The following KSR2 variants were observed in gnomAD, a reference collection of about 807,000 sequenced individuals.
The protein encoded by KSR2 is kinase suppressor of ras 2.
In KSR2, 25 loss-of-function variants were observed where a neutral mutation model predicts 107.8. The observed-to-expected ratio is 0.23, with a 90% confidence interval of 0.17 to 0.32. The LOEUF (loss-of-function observed/expected upper bound fraction) is 0.32. Ranked by LOEUF, KSR2 falls within the 10% of genes least tolerant of loss-of-function variation. The pLI, the probability that KSR2 is intolerant of heterozygous loss-of-function variation, is 1.00. For missense variants in KSR2, 887 were observed against 1,268.9 expected, an observed-to-expected ratio of 0.70 and a Z score of 4.57; for synonymous variants, 480 against 507.0, an observed-to-expected ratio of 0.95 and a Z score of 0.71.
chr12:117,859,461 A>ATTTT lies in KSR2; in HGVS notation c.321+826_321+829dup, dbSNP rs35142684. On this transcript the variant is annotated intron_variant, in intron 2 of 19. Transcript: ENST00000339824. ...TTTTTTCGTTTTTTGTTTTTTATTT[A>ATTTT]TTTTTTTTTTTTTGAGACAGGGTCT... Among the ~76,000 whole-genome samples the ATTTT allele has an allele frequency of 6.7e-4, 88 of 130,684 alleles. 1 individual carries two copies. The highest frequency in any genetic ancestry group is 2.5e-3 in the African/African-American group (87 of 34,134). The allele number at this position is 130,684 out of a possible 152,430, so 85.7% of individuals were successfully genotyped here.
At chr12:117,835,289 C>T (rs1892156011) in intron 3 of KSR2, among the ~76,000 whole-genome samples, 1 of 152,106 alleles carries the variant, frequency 6.6e-6, no homozygotes, top group Admixed American at 6.5e-5. Flanking sequence ...CCTGGGGAGA[C>T]AGGGAGAGAT....
intron 9 of KSR2, among the ~76,000 whole-genome samples, chr12:117,551,043 G>A (rs1431438936): frequency 6.6e-6 from 1 of 152,210 alleles, no homozygotes; most frequent in Non-Finnish European, 1.5e-5. Context: ...CCAGCATGCA[G>A]CCACTTCAAA....
chr12:117,819,004 C>T (rs1256517961), intron 3 of KSR2, among the ~76,000 whole-genome samples: 1 of 152,114 alleles, frequency 6.6e-6, no homozygotes, highest in East Asian at 1.9e-4. Context: ...AGCTCTTATA[C>T]CCCTTTTTTC....
intron 14 of KSR2, among the ~76,000 whole-genome samples, chr12:117,487,706 A>T (rs1093308): frequency 0.18 from 27,398 of 151,882 alleles, 2,689 homozygotes; most frequent in East Asian, 0.33. Flanking sequence ...AGGCTCCAAG[A>T]CTCCCTGGAC....
intron 4 of KSR2, among the ~76,000 whole-genome samples, chr12:117,756,506 C>G (rs634957): frequency 6.6e-6 from 1 of 151,800 alleles, no homozygotes; most frequent in Non-Finnish European, 1.5e-5. Flanking sequence ...CTGTTGAGAC[C>G]GACTGTTTAG....
In KSR2 at chr12:117,939,946, C is replaced by A. The variant is rs1259463026; in HGVS notation, c.180+28130G>T. On this transcript the variant is annotated intron_variant, in intron 1 of 19. Coordinates refer to ENST00000339824, the MANE Select transcript of KSR2 (RefSeq NM_173598.6). ...ACAGAGCGAGACTCCATCTTAAAAA[C>A]ACACACACACACACACACACACACA... Among the ~76,000 whole-genome samples the A allele has an allele frequency of 2.0e-3, 26 of 12,916 alleles. No homozygotes were observed. The East Asian group carries it at 0.087, about 43-fold the overall frequency. The allele number at this position is 12,916 out of a possible 152,430, so 8.5% of individuals were successfully genotyped here.
chr12:117,871,697 G>T (rs1015472500), intron 1 of KSR2, among the ~76,000 whole-genome samples: 3 of 112,292 alleles, frequency 2.7e-5, no homozygotes, highest in Admixed American at 2.0e-4. Context: ...CAGATAGATA[G>T]ATATATATAT....
rs115213705 is a variant in KSR2 at position 117,904,644 on chromosome 12, G to A, written c.181-44213C>T. Among the ~76,000 whole-genome samples, 815 of 152,150 alleles carry A rather than the reference G, an allele frequency of 5.4e-3. 6 individuals are homozygous for A. The highest frequency in any genetic ancestry group is 0.018 in the African/African-American group (755 of 41,486). On this transcript the variant is annotated intron_variant, in intron 1 of 19. Coordinates refer to ENST00000339824, the MANE Select transcript of KSR2 (RefSeq NM_173598.6). The stretch of plus-strand genomic sequence containing the variant: ...CTTGCTCAATTCTCCCCATCACCCT[G>A]GGAGAGAAAAAATATTATTATTCCC...
At chr12:117,944,594 G>A (rs1389878762) in intron 1 of KSR2, among the ~76,000 whole-genome samples, 4 of 152,098 alleles carry the variant, frequency 2.6e-5, no homozygotes, top group East Asian at 3.9e-4. Flanking sequence ...AGTGGCTCAC[G>A]CCTGCAATCC....
intron 1 of KSR2, among the ~76,000 whole-genome samples, chr12:117,948,324 C>T (rs540823319): frequency 8.7e-4 from 132 of 152,028 alleles, no homozygotes; most frequent in African/African-American, 3.1e-3. Context: ...CCCCTCTCTA[C>T]TAAAAATACA....
chr12:117,802,653 G>C (rs1247840169), intron 3 of KSR2, among the ~76,000 whole-genome samples: 1 of 152,186 alleles, frequency 6.6e-6, no homozygotes, highest in African/African-American at 2.4e-5. Flanking sequence ...GGCCCCCTGG[G>C]AAAAACCAAG....
intron 7 of KSR2, among the ~76,000 whole-genome samples, chr12:117,568,975 G>C (rs944268402): frequency 1.3e-5 from 2 of 152,102 alleles, no homozygotes; most frequent in African/African-American, 4.8e-5. Flanking sequence ...CCAATATCCT[G>C]CCTGTTGTAC....
intron 3 of KSR2, among the ~76,000 whole-genome samples, chr12:117,796,864 C>A (rs1419547490): frequency 1.3e-5 from 2 of 152,168 alleles, no homozygotes; most frequent in East Asian, 3.8e-4. Flanking sequence ...GCCCAGCCTC[C>A]AAAATGCCCA....
rs1054369641 is a variant in KSR2 at position 117,758,781 on chromosome 12, G to C, written c.986+2230C>G. ...TTGGCCTCCATCTTGCAGATTAGAA[G>C]ATGATGTGTCTGGAGAGTCGGCTTT... On this transcript the variant is annotated intron_variant, in intron 4 of 19. Transcript: ENST00000339824. 2.0e-5 allele frequency among the ~76,000 whole-genome samples: 3 copies of C among 152,186 alleles called. No homozygotes were observed. In the East Asian group the frequency reaches 5.8e-4, roughly 29 times the overall value.
At chr12:117,877,879 C>A (rs1036483394) in intron 1 of KSR2, among the ~76,000 whole-genome samples, 10 of 152,208 alleles carry the variant, frequency 6.6e-5, no homozygotes, top group Non-Finnish European at 1.2e-4. Flanking sequence ...AGGGGCTTCT[C>A]TTTTCTTGTC....
chr12:117,872,566 A>C (rs754878995), intron 1 of KSR2, among the ~76,000 whole-genome samples: 25 of 139,714 alleles, frequency 1.8e-4, no homozygotes, highest in Non-Finnish European at 3.9e-4. Flanking sequence ...CGCTGTCTCC[A>C]AAAAAAAAAA....
At chr12:117,811,541 G>A (rs1319864291) in intron 3 of KSR2, among the ~76,000 whole-genome samples, 2 of 152,186 alleles carry the variant, frequency 1.3e-5, no homozygotes, top group African/African-American at 4.8e-5. Context: ...CCATGCTCAA[G>A]TTTGAGAAGA....
intron 9 of KSR2, 104 bp downstream of exon 9, chr12:117,555,065 C>A (rs1348425504): frequency 3.5e-6 from 5 of 1,411,608 alleles, no homozygotes; most frequent in Non-Finnish European, 4.9e-6. Context: ...CCGAGACGGG[C>A]TAGGAGGGAG....
chr12:117,611,593 T>A (rs1881602708), intron 5 of KSR2, among the ~76,000 whole-genome samples: 1 of 152,140 alleles, frequency 6.6e-6, no homozygotes, highest in Non-Finnish European at 1.5e-5. Flanking sequence ...AGTGGACATC[T>A]GGGGTACTCA....
Sources: gnomAD v4.1 joint callset for allele counts (sites outside exome capture counted in the v4.1 genomes callset) on GRCh38, gnomAD v4.1.1 for gene constraint, MANE v1.5 for transcripts, NCBI Gene and HGNC (gene_info 2026-07-23, HGNC 2026-07-21) for gene names.